Variants in MPDZ observed in about 807,000 individuals in gnomAD.
MPDZ encodes the protein multiple PDZ domain protein.
Under a neutral mutation model 239.1 loss-of-function variants are expected in MPDZ, and 234 were observed. The ratio of observed to expected loss-of-function variants is 0.98; its 90% CI spans 0.88 to 1.09. MPDZ has a LOEUF of 1.09. Ranked by LOEUF, MPDZ falls within the 50% of genes least tolerant of loss-of-function variation. The pLI is 0.00. For missense variants in MPDZ, 3,175 were observed against 2,510.0 expected, an observed-to-expected ratio of 1.26 and a Z score of -5.66; for synonymous variants, 1,048 against 881.3, an observed-to-expected ratio of 1.19 and a Z score of -3.35.
chr9:13,250,760 A>C (rs1038455759), intron 1 of MPDZ, among the ~76,000 whole-genome samples: 1 of 152,140 alleles, frequency 6.6e-6, no homozygotes, highest in Non-Finnish European at 1.5e-5. Context: ...CAAAATCATA[A>C]AAAGTAGAAA....
intron 45 of MPDZ, among the ~76,000 whole-genome samples, chr9:13,109,484 T>A (rs1942054609): frequency 6.6e-6 from 1 of 152,192 alleles, no homozygotes; most frequent in Non-Finnish European, 1.5e-5. Context: ...ATCAAATTAT[T>A]TAAAATTTCT....
intron 39 of MPDZ, among the ~76,000 whole-genome samples, chr9:13,117,444 T>G (rs1943639015): frequency 6.7e-6 from 1 of 150,276 alleles, no homozygotes; most frequent in Non-Finnish European, 1.5e-5. Flanking sequence ...GGCAGGAGAA[T>G]GGCGTGAACC....
Position 13,223,918 on chromosome 9 carries a change from C to T in MPDZ, c.394-208G>A, listed in dbSNP as rs146199904. ...GTGTGGTGGCACACATCTATAGTCCCAGATACTCAGGAGACTGAGGCAGGA... is the reference window on the plus strand; with the variant it reads ...GTGTGGTGGCACACATCTATAGTCCTAGATACTCAGGAGACTGAGGCAGGA... On this transcript the variant is annotated intron_variant, in intron 4 of 46. Transcript: ENST00000319217. 0.01 allele frequency among the ~76,000 whole-genome samples: 1,568 copies of T among 151,904 alleles called. 29 individuals carry two copies. Among genetic ancestry groups the T allele is most frequent in the African/African-American group, 0.035 (1,452 of 41,456 alleles).
At chr9:13,124,046 C>G (rs1319722579) in intron 35 of MPDZ, among the ~76,000 whole-genome samples, 2 of 152,178 alleles carry the variant, frequency 1.3e-5, no homozygotes, top group Non-Finnish European at 2.9e-5. Context: ...AAAGAGCATA[C>G]AGCAAATAGC....
chr9:13,199,545 A>C (rs1296328802), intron 12 of MPDZ, among the ~76,000 whole-genome samples: 1 of 151,970 alleles, frequency 6.6e-6, no homozygotes, highest in African/African-American at 2.4e-5. Flanking sequence ...ATGTTGAAAA[A>C]AAGGTGGTAA....
intron 14 of MPDZ, among the ~76,000 whole-genome samples, 172 bp from the exon 15 acceptor site, chr9:13,192,467 G>C (rs954597816): frequency 6.6e-6 from 1 of 152,058 alleles, no homozygotes; most frequent in Non-Finnish European, 1.5e-5. Context: ...TGCAAGTTTA[G>C]AGTATTGTTG....
intron 22 of MPDZ, 26 bp from the exon 23 acceptor site, chr9:13,162,821 G>A (rs767142496): frequency 1.3e-6 from 2 of 1,494,590 alleles, no homozygotes; most frequent in Admixed American, 3.5e-5. Flanking sequence ...ATCCATGGAA[G>A]TGAAGGGAAA....
intron 3 of MPDZ, among the ~76,000 whole-genome samples, chr9:13,241,109 T>G (rs893294125): frequency 3.9e-5 from 6 of 152,156 alleles, no homozygotes; most frequent in African/African-American, 1.4e-4. Flanking sequence ...TACAAACTTT[T>G]AGCTAAAGGA....
In MPDZ at chr9:13,136,938, C is replaced by T. The variant is rs564160911; in HGVS notation, c.4201-135G>A. ...TATATTAAATGTTATATATTTTCCT[C>T]CCCAAAACATGAAACTGACTTTTCA... On this transcript the variant is annotated intron_variant, in intron 29 of 46. Transcript: ENST00000319217. The T allele has an allele frequency of 1.1e-5, 5 of 462,816 alleles. No homozygotes were observed. In the South Asian group the frequency reaches 2.2e-4, roughly 20 times the overall value. 28.7% of individuals were successfully genotyped at this position (462,816 alleles called of 1,614,324 possible).
intron 1 of MPDZ, among the ~76,000 whole-genome samples, chr9:13,266,942 T>C (rs1052808804): frequency 6.6e-6 from 1 of 152,198 alleles, no homozygotes; most frequent in South Asian, 2.1e-4. Flanking sequence ...TAACTTTCCA[T>C]ATCATTTCGC....
intron 18 of MPDZ, among the ~76,000 whole-genome samples, chr9:13,184,383 C>T (rs547341049): frequency 3.9e-4 from 60 of 151,962 alleles, no homozygotes; most frequent in African/African-American, 1.3e-3. Context: ...CCAGCATTTT[C>T]TGTCTATCTT....
chr9:13,225,476 C>A (rs752214944), intron 3 of MPDZ, among the ~76,000 whole-genome samples: 4 of 151,942 alleles, frequency 2.6e-5, no homozygotes, highest in Non-Finnish European at 5.9e-5. Context: ...TAGGCCTTCA[C>A]ATGCACTCAC....
At chr9:13,165,537 C>A in intron 22 of MPDZ, 1 of 984,384 alleles carries the variant, frequency 1.0e-6, no homozygotes, top group Non-Finnish European at 1.5e-6. Context: ...TTTTTTCCCC[C>A]TTTCCACCTC....
chr9:13,125,449 CA>C, intron 34 of MPDZ, 59 bp from the exon 35 acceptor site: 5 of 1,434,230 alleles, frequency 3.5e-6, no homozygotes, highest in Non-Finnish European at 4.8e-6. Flanking sequence ...GTAGACATAC[CA>C]ATGAGTCACC....
At position 13,190,173 on chromosome 9, in the gene MPDZ, G is replaced by C; in HGVS notation, c.2095C>G (p.Gln699Glu). Residue 699 changes from glutamine to glutamate, a missense_variant, in exon 16 of 47, where the codon CAG becomes GAG. By Grantham distance (29) the Gln-to-Glu change is conservative. Coordinates refer to ENST00000319217, the MANE Select transcript of MPDZ (RefSeq NM_001378778.1). ...APLAMWEAGI[Q>E]HIELEKGSKG... is the part of the protein sequence containing the mutation. ...CTCCCTTTCTCCAGCTCTATGTGCT[G>C]AATGCCAGCCTCCCACATGGCCAAA... The C allele has an allele frequency of 6.2e-7, 1 of 1,613,244 alleles. No individual in the cohort carries two copies. The highest frequency in any genetic ancestry group is 1.1e-5 in the South Asian group (1 of 91,038).
At chr9:13,176,719 AAAATTATTCAGAGTTC>A (rs1423182843) in intron 19 of MPDZ, among the ~76,000 whole-genome samples, 2 of 152,154 alleles carry the variant, frequency 1.3e-5, no homozygotes, top group Non-Finnish European at 2.9e-5. Context: ...ATTTACAAAT[AAAATTATTCAGAGTTC>A]AAATTACATA....
At chr9:13,221,584 TTTG>T in intron 6 of MPDZ, 84 bp from the exon 7 acceptor site, 2 of 1,398,508 alleles carry the variant, frequency 1.4e-6, no homozygotes, top group African/African-American at 1.5e-5. Flanking sequence ...TTGCGATTAT[TTTG>T]TTAATATTAA....
chr9:13,126,987 A>AGT (rs1464398061), intron 32 of MPDZ, among the ~76,000 whole-genome samples: 1 of 152,198 alleles, frequency 6.6e-6, no homozygotes, highest in Non-Finnish European at 1.5e-5. Flanking sequence ...CAAACATTCA[A>AGT]GTGTTTTCAC....
At chr9:13,115,433 G>A (rs1390337146) in intron 39 of MPDZ, 99 bp from the exon 40 acceptor site, 4 of 969,070 alleles carry the variant, frequency 4.1e-6, no homozygotes, top group Admixed American at 2.1e-5. Context: ...TTTTTGAAAG[G>A]CATCTTCCTT....
Sources: gnomAD v4.1 joint callset for allele counts (sites outside exome capture counted in the v4.1 genomes callset) on GRCh38, gnomAD v4.1.1 for gene constraint, MANE v1.5 for transcripts, NCBI Gene and HGNC (gene_info 2026-07-23, HGNC 2026-07-21) for gene names.